The following SUCO variants were observed in gnomAD, a reference collection of about 807,000 sequenced individuals.
SUCO encodes the protein SUN domain-containing ossification factor.
SUCO carries 57 observed loss-of-function variants against 148.1 expected under a neutral mutation model. The ratio of observed to expected loss-of-function variants is 0.38; its 90% CI spans 0.31 to 0.48. SUCO has a LOEUF of 0.48. Among genes scored for constraint, SUCO ranks in the 20% least tolerant of loss-of-function variants. The pLI is 0.96. For synonymous variants in SUCO, 470 were observed against 502.7 expected, an observed-to-expected ratio of 0.93 and a Z score of 0.87; for missense variants, 1,331 against 1,468.2, an observed-to-expected ratio of 0.91 and a Z score of 1.53.
chr1:172,545,693 A>T (rs6683359), intron 1 of SUCO, among the ~76,000 whole-genome samples: 5,168 of 152,292 alleles, frequency 0.034, 266 homozygotes, highest in African/African-American at 0.12. Flanking sequence ...TTGAGATTAC[A>T]AGTATAAACT....
intron 19 of SUCO, among the ~76,000 whole-genome samples, chr1:172,597,857 G>A (rs149392966): frequency 1.4e-4 from 22 of 152,226 alleles, no homozygotes; most frequent in African/African-American, 4.3e-4. Context: ...TTCATGGCAC[G>A]TTATAAATTG....
At position 172,553,194 on chromosome 1, in the gene SUCO, G is replaced by A. The variant is rs560864714; in HGVS notation, c.178-66G>A. On this transcript the variant is annotated intron_variant, in intron 2 of 23. Transcript: ENST00000263688. ...TAAAGTATGGAAAAAAACCATCTTC[G>A]TATTGCTTTATAACTGTTTTGTAAA... The A allele has an allele frequency of 9.0e-4, 1,271 of 1,411,220 alleles. 22 individuals carry two copies. The South Asian group carries it at 0.019, about 21-fold the overall frequency. The allele number at this position is 1,411,220 out of a possible 1,614,324, so 87.4% of individuals were successfully genotyped here.
Position 172,574,874 on chromosome 1 carries a change from T to C in SUCO, c.1158-644T>C. 2 of 985,222 alleles carry C rather than the reference T, an allele frequency of 2.0e-6. 1 individual carries two copies. Among genetic ancestry groups the C allele is most frequent in the South Asian group, 9.4e-5 (2 of 21,284 alleles). The allele number at this position is 985,222 out of a possible 1,614,324, so 61.0% of individuals were successfully genotyped here. ...TCGGTTCTCAAGACCTCTTGAGAATTCTGTTATTCTGCCGCTACCCTTGCT... is the reference window on the plus strand; with the variant it reads ...TCGGTTCTCAAGACCTCTTGAGAATCCTGTTATTCTGCCGCTACCCTTGCT... On this transcript the variant is annotated intron_variant, in intron 10 of 23. Coordinates refer to ENST00000263688, the MANE Select transcript of SUCO (RefSeq NM_014283.5).
rs948467450 is a variant in SUCO at position 172,579,281 on chromosome 1, G to A, written c.1498+14G>A. 1 of 1,538,570 alleles carries A rather than the reference G, an allele frequency of 6.5e-7. No individual in the cohort carries two copies. Among genetic ancestry groups the A allele is most frequent in the Non-Finnish European group, 9.0e-7 (1 of 1,115,282 alleles). The stretch of plus-strand genomic sequence containing the variant: ...GTTCTGCTACAAGTGAGTATTTTGA[G>A]GATTTTCTATTCATTCTACTACTTT... On this transcript the variant is annotated intron_variant, in intron 15 of 23. Coordinates refer to ENST00000263688, the MANE Select transcript of SUCO (RefSeq NM_014283.5).
At chr1:172,532,942 T>C (rs928457168), upstream of SUCO, 17 of 1,359,472 alleles carry the variant, frequency 1.3e-5, no homozygotes, top group African/African-American at 2.5e-4. Flanking sequence ...GCCTCCGGCT[T>C]CTCCGCCTGC....
At chr1:172,577,058 T>C in intron 11 of SUCO, 1 of 750,730 alleles carries the variant, frequency 1.3e-6, no homozygotes, top group Non-Finnish European at 1.6e-6. Context: ...GTATATAATA[T>C]ACAAGTATAA....
At chr1:172,572,585 A>C (rs1339610717) in intron 9 of SUCO, among the ~76,000 whole-genome samples, 5 of 151,242 alleles carry the variant, frequency 3.3e-5, no homozygotes, top group Non-Finnish European at 7.4e-5. Flanking sequence ...GGTCCTCTGC[A>C]TAGGAAAACC....
At chr1:172,584,935 A>T (rs1438892974) in intron 15 of SUCO, 83 bp from the exon 16 acceptor site, 10 of 886,074 alleles carry the variant, frequency 1.1e-5, no homozygotes, top group Non-Finnish European at 1.7e-5. Flanking sequence ...AGATCATTCT[A>T]AATGATTTTT....
intron 22 of SUCO, among the ~76,000 whole-genome samples, chr1:172,605,914 T>TA (rs2149273147): frequency 6.6e-6 from 1 of 151,904 alleles, no homozygotes; most frequent in East Asian, 1.9e-4. Flanking sequence ...GTTTTATTGC[T>TA]AAGATTGTAT....
At chr1:172,609,719 A>G in intron 23 of SUCO, 97 bp from the exon 24 acceptor site, 4 of 1,503,092 alleles carry the variant, frequency 2.7e-6, no homozygotes, top group South Asian at 2.8e-5. Context: ...ACTTTTCACC[A>G]GGAGGTGGCA....
intron 6 of SUCO, among the ~76,000 whole-genome samples, chr1:172,566,544 T>C (rs1391374389): frequency 6.6e-6 from 1 of 152,194 alleles, no homozygotes; most frequent in East Asian, 1.9e-4. Context: ...ACAGCAACTT[T>C]TATTGAATTG....
At chr1:172,556,941 T>G (rs1247411633) in intron 4 of SUCO, 1 of 980,364 alleles carries the variant, frequency 1.0e-6, no homozygotes, top group African/African-American at 1.8e-5. Flanking sequence ...GTGAAATGTC[T>G]TGAGATAATG....
Position 172,585,003 on chromosome 1 carries a change from T to G in SUCO, c.1499-15T>G. On this transcript the variant is annotated splice_polypyrimidine_tract_variant and intron_variant, in intron 15 of 23. Coordinates refer to ENST00000263688, the MANE Select transcript of SUCO (RefSeq NM_014283.5). ...TTAGGTATTTGGTACTTTTTCTGAT[T>G]GAATTTTGTTTTAGATGCCATTCTA... 3 of 1,563,632 alleles carry G rather than the reference T, an allele frequency of 1.9e-6. No homozygotes were observed. Among genetic ancestry groups the G allele is most frequent in the East Asian group, 2.3e-5 (1 of 44,112 alleles).
At chr1:172,545,360 T>C (rs1385580660) in intron 1 of SUCO, among the ~76,000 whole-genome samples, 5 of 152,146 alleles carry the variant, frequency 3.3e-5, no homozygotes, top group Non-Finnish European at 5.9e-5. Flanking sequence ...CTAAAAACCA[T>C]GAGAGTACGT....
rs564481062 is a variant in SUCO at position 172,600,320 on chromosome 1, T to A, written c.3018+152T>A. ...TTTCAAAAACCAGAATATGGCATTT[T>A]TAAGTTTTGAAAATATATTATCATA... On this transcript the variant is annotated intron_variant, in intron 20 of 23. Coordinates refer to ENST00000263688, the MANE Select transcript of SUCO (RefSeq NM_014283.5). 6.1e-5 allele frequency: 38 copies of A among 624,518 alleles called. No individual in the cohort carries two copies. The East Asian group carries it at 1.2e-3, about 20-fold the overall frequency. 38.7% of individuals were successfully genotyped at this position (624,518 alleles called of 1,614,324 possible).
Position 172,588,636 on chromosome 1 carries a change from A to G in SUCO, c.1659-124A>G, listed in dbSNP as rs140057544. ...TTTTGTAGGTGAAACATTTATCCAA[A>G]AACAAATTTCTTCTATATTTCCAAC... is the stretch of plus-strand genomic sequence containing the variant. On this transcript the variant is annotated intron_variant, in intron 17 of 23. Transcript: ENST00000263688. 342 of 1,267,708 alleles carry G rather than the reference A, an allele frequency of 2.7e-4. 1 individual carries two copies. In the Admixed American group the frequency reaches 8.9e-3, roughly 33 times the overall value. The allele number at this position is 1,267,708 out of a possible 1,614,324, so 78.5% of individuals were successfully genotyped here.
At chr1:172,551,186 T>C (rs141663248) in intron 1 of SUCO, among the ~76,000 whole-genome samples, 85 of 152,182 alleles carry the variant, frequency 5.6e-4, no homozygotes, top group African/African-American at 1.9e-3. Flanking sequence ...TTATAAGAAC[T>C]GGTACTTTCC....
At chr1:172,558,929 T>TG (rs1653940444) in intron 6 of SUCO, among the ~76,000 whole-genome samples, 1 of 152,258 alleles carries the variant, frequency 6.6e-6, no homozygotes, top group Admixed American at 6.5e-5. Context: ...TGTGAGTCTA[T>TG]GCTAATCGGC....
chr1:172,573,187 GT>G (rs1487898495), intron 9 of SUCO, among the ~76,000 whole-genome samples: 1 of 152,090 alleles, frequency 6.6e-6, no homozygotes, highest in Non-Finnish European at 1.5e-5. Flanking sequence ...ATTCCCAAAA[GT>G]TTCATCATAC....
Sources: gnomAD v4.1 joint callset for allele counts (sites outside exome capture counted in the v4.1 genomes callset) on GRCh38, gnomAD v4.1.1 for gene constraint, MANE v1.5 for transcripts, NCBI Gene and HGNC (gene_info 2026-07-23, HGNC 2026-07-21) for gene names.